PPP2R3B: variants seen among roughly 807,000 people sequenced by gnomAD.
The protein encoded by PPP2R3B is protein phosphatase 2 regulatory subunit B''beta.
A neutral mutation model predicts 72.9 loss-of-function variants in PPP2R3B; 68 were observed. The ratio of observed to expected loss-of-function variants is 0.93; its 90% confidence interval spans 0.77 to 1.14. The LOEUF is 1.14. Ranked by LOEUF, PPP2R3B falls within the 50% of genes most tolerant of loss-of-function variation. PPP2R3B has a pLI of 0.00. For synonymous variants in PPP2R3B, 466 were observed against 375.8 expected (o/e 1.24, Z -2.78); for missense variants, 1,018 against 842.0 (o/e 1.21, Z -2.59).
In PPP2R3B at chrX:341,357, G is replaced by A. The variant is rs375738258; in HGVS notation, c.1125C>T (p.Ala375=). 3.4e-5 allele frequency: 55 copies of A among 1,612,736 alleles called. No homozygotes were observed. Among genetic ancestry groups the A allele is most frequent in the African/African-American group, 8.0e-5 (6 of 75,040 alleles). ...CAGAGATCAAAAACCAGACAAAGTC[G>A]GCATAGCTGATCTTCCCTTCCTTCT... is the stretch of plus-strand genomic sequence containing the variant. The part of the protein sequence containing the change: ...KVQKEGKISY[A]DFVWFLISEE... Residue 375 remains alanine (A), a synonymous_variant, in exon 9 of 13, where the codon GCC becomes GCT. Coordinates refer to ENST00000390665, the MANE Select transcript of PPP2R3B (RefSeq NM_013239.5).
intron 7 of PPP2R3B, 85 bp from the exon 8 acceptor site, chrX:342,016 T>C: frequency 6.5e-7 from 1 of 1,531,518 alleles, no homozygotes; most frequent in Admixed American, 1.7e-5. Flanking sequence ...CTGGATGCGG[T>C]GGGGACCGAA....
At position 346,241 on chromosome X, in the gene PPP2R3B, T is replaced by C; in HGVS notation, c.812A>G (p.Tyr271Cys). The C allele has an allele frequency of 5.1e-6, 8 of 1,570,974 alleles. No individual in the cohort carries two copies. The highest frequency in any genetic ancestry group is 6.9e-6 in the Non-Finnish European group (8 of 1,159,936). Residue 271 changes from tyrosine (Y) to cysteine (C), a missense_variant, in exon 6 of 13, where the codon TAC becomes TGC. Transcript: ENST00000390665. ...GCCGGACCAGGACCGGTTCACGGCG[T>C]AGAAGATCCGCTGGATGACCTGCGG... is the stretch of plus-strand genomic sequence containing the variant. ...YITTVIQRIF[Y>C]AVNRSWSGRI... is the part of the protein sequence containing the mutation.
intron 1 of PPP2R3B, among the ~76,000 whole-genome samples, chrX:385,873 G>T (rs1415002030): frequency 6.6e-6 from 1 of 152,162 alleles, no homozygotes; most frequent in East Asian, 1.9e-4. Context: ...TTGAGGTCAG[G>T]AGTTCGAGAC....
Position 340,818 on chromosome X carries a change from G to A in PPP2R3B, c.1298C>T (p.Pro433Leu), listed in dbSNP as rs749582648. 1 of 1,608,812 alleles carries A rather than the reference G, an allele frequency of 6.2e-7. No individual in the cohort carries two copies. The change falls in exon 10 of 13, where the codon CCC (proline) becomes CTC (leucine). Residue 433 changes from proline (P) to leucine (L), a missense_variant. Transcript: ENST00000390665. ...RLDSMAIEAL[P>L]FQDCLCQMLD... Reference sequence around the variant, plus strand: ...CATCTGGCAGAGGCAGTCCTGGAAGGGCAGGGCCTCGATGGCCATGCTGTC... The same window carrying A: ...CATCTGGCAGAGGCAGTCCTGGAAGAGCAGGGCCTCGATGGCCATGCTGTC...
chrX:379,147 G>C (rs2072065498), intron 1 of PPP2R3B, among the ~76,000 whole-genome samples: 1 of 150,824 alleles, frequency 6.6e-6, no homozygotes, highest in African/African-American at 2.4e-5. Context: ...GTGTGTGTAT[G>C]CACCTATGTG....
At chrX:374,208 C>T (rs1361949661) in intron 1 of PPP2R3B, among the ~76,000 whole-genome samples, 1 of 152,130 alleles carries the variant, frequency 6.6e-6, no homozygotes, top group African/African-American at 2.4e-5. Flanking sequence ...GAAGGCGCTC[C>T]CCGCGAGAAG....
At chrX:353,930 GGGGGCTCACCCAGGGAGCA>G (rs1179127523) in intron 2 of PPP2R3B, among the ~76,000 whole-genome samples, 37 of 141,912 alleles carry the variant, frequency 2.6e-4, no homozygotes, top group African/African-American at 8.3e-4. Context: ...CCCAGGGACC[GGGGGCTCACCCAGGGAGCA>G]GGGGCTCACC....
At chrX:350,309 G>C (rs1363892845) in intron 2 of PPP2R3B, among the ~76,000 whole-genome samples, 1 of 152,196 alleles carries the variant, frequency 6.6e-6, no homozygotes, top group African/African-American at 2.4e-5. Flanking sequence ...AACGAGGGAC[G>C]CTGCACGGCT....
intron 1 of PPP2R3B, among the ~76,000 whole-genome samples, chrX:378,906 G>A (rs187367011): frequency 3.3e-4 from 50 of 152,342 alleles, no homozygotes; most frequent in Non-Finnish European, 5.3e-4. Context: ...CAAGGCTCCC[G>A]CACGAAACCT....
chrX:341,082 C>A, intron 9 of PPP2R3B, 142 bp from the exon 10 acceptor site: 1 of 1,250,340 alleles, frequency 8.0e-7, no homozygotes, highest in Non-Finnish European at 1.1e-6. Context: ...CATCCCCTGC[C>A]CCCTGCCGCC....
At position 338,726 on chromosome X, in the gene PPP2R3B, G is replaced by A. The variant is rs757823889; in HGVS notation, c.1471-16C>T. 49 of 1,611,804 alleles carry A rather than the reference G, an allele frequency of 3.0e-5. 1 individual carries two copies. The highest frequency in any genetic ancestry group is 1.7e-4 in the Middle Eastern group (1 of 5,792). ...TGTCACCGTCCTGGAGGAAGCACAC[G>A]GGTTACGTACACGGCGTGGCGCGGC... On this transcript the variant is annotated splice_polypyrimidine_tract_variant and intron_variant, in intron 11 of 12. Coordinates refer to ENST00000390665, the MANE Select transcript of PPP2R3B (RefSeq NM_013239.5).
chrX:370,423 C>G (rs959029588), intron 1 of PPP2R3B, among the ~76,000 whole-genome samples: 2 of 152,098 alleles, frequency 1.3e-5, no homozygotes, highest in Non-Finnish European at 2.9e-5. Flanking sequence ...TGCAGCGAGG[C>G]GTGAGTCTCC....
intron 7 of PPP2R3B, chrX:345,267 G>A (rs1298395641): frequency 1.2e-5 from 8 of 692,150 alleles, no homozygotes; most frequent in Admixed American, 2.0e-5. Context: ...AGGACCAGCG[G>A]CCCACACTGA....
intron 1 of PPP2R3B, among the ~76,000 whole-genome samples, chrX:385,320 C>CTTTTTTTT (rs1178231888): frequency 2.0e-4 from 15 of 75,658 alleles, no homozygotes; most frequent in East Asian, 4.2e-4. Context: ...TTTTAGTTTT[C>CTTTTTTTT]TTTTTTTTTT....
In PPP2R3B at chrX:386,600, A is replaced by G. The variant is rs2072259375; in HGVS notation, c.92T>C (p.Met31Thr). 4.1e-6 allele frequency: 6 copies of G among 1,448,874 alleles called. No individual in the cohort carries two copies. Among genetic ancestry groups the G allele is most frequent in the Non-Finnish European group, 5.4e-6 (6 of 1,101,710 alleles). 89.8% of individuals were successfully genotyped at this position (1,448,874 alleles called of 1,614,324 possible). The change falls in exon 1 of 13, where the codon ATG becomes ACG. Residue 31 changes from methionine to threonine, a missense_variant. Physicochemically the swap from Met to Thr is moderately conservative, Grantham distance 81. Coordinates refer to ENST00000390665, the MANE Select transcript of PPP2R3B (RefSeq NM_013239.5). ...GATCCGGCGCAGGCAGTCCTGCAGC[A>G]TCCGCTGCGTGCTGGCCTCGCTGAG... Reference protein sequence around the residue: ...YWLSEASTQRMLQDCLRRIKA... With the variant: ...YWLSEASTQRTLQDCLRRIKA...
intron 1 of PPP2R3B, among the ~76,000 whole-genome samples, chrX:375,896 A>C (rs1283183466): frequency 7.4e-6 from 1 of 134,780 alleles, no homozygotes; most frequent in African/African-American, 2.8e-5. Context: ...CTTTCCGTAC[A>C]AGACTTTTGG....
In PPP2R3B at chrX:347,585, C is replaced by T. The variant is rs191103940; in HGVS notation, c.614+5G>A. 1.3e-6 allele frequency: 2 copies of T among 1,570,960 alleles called. No homozygotes were observed. The highest frequency in any genetic ancestry group is 1.7e-6 in the Non-Finnish European group (2 of 1,157,832). ...ACACAGCCCCCTGCCCAGCCCAGGA[C>T]TCACTTTCTCCACATGGCGACGAAC... is the stretch of plus-strand genomic sequence containing the variant. On this transcript the variant is annotated splice_donor_5th_base_variant and intron_variant, in intron 3 of 12. Transcript: ENST00000390665.
chrX:379,847 G>T (rs1233570964), intron 1 of PPP2R3B, among the ~76,000 whole-genome samples: 1 of 152,188 alleles, frequency 6.6e-6, no homozygotes, highest in Non-Finnish European at 1.5e-5. Flanking sequence ...TAAAGAACAG[G>T]CTTGGACTCA....
chrX:335,044 C>T (rs1200422225), intron 12 of PPP2R3B: 1 of 152,752 alleles, frequency 6.5e-6, no homozygotes, highest in African/African-American at 2.4e-5. Flanking sequence ...GGCCACGGAC[C>T]ACACAGACTC....
Sources: gnomAD v4.1 joint callset for allele counts (sites outside exome capture counted in the v4.1 genomes callset) on GRCh38, gnomAD v4.1.1 for gene constraint, MANE v1.5 for transcripts, NCBI Gene and HGNC (gene_info 2026-07-23, HGNC 2026-07-21) for gene names.